LMO7: variants seen among roughly 807,000 people sequenced by gnomAD.
LMO7 encodes the protein LIM domain only protein 7.
Under a neutral mutation model 206.5 loss-of-function variants are expected in LMO7, and 120 were observed. The ratio of observed to expected loss-of-function variants is 0.58; its 90% confidence interval spans 0.50 to 0.68. LMO7 has a LOEUF of 0.68. LMO7 is among the 30% of genes least tolerant of loss of function. The pLI, the probability that LMO7 is intolerant of heterozygous loss-of-function variation, is 0.00. For synonymous variants in LMO7, 706 were observed against 681.5 expected, an observed-to-expected ratio of 1.04 and a Z score of -0.56; for missense variants, 1,959 against 1,957.9, an observed-to-expected ratio of 1.00 and a Z score of -0.01.
rs1566339945 is a variant in LMO7, at chr13:75,713,254, TAAGTATTTA to T, written c.140+14_140+22del. 3 of 1,600,626 alleles carry T rather than the reference TAAGTATTTA, an allele frequency of 1.9e-6. No individual in the cohort carries two copies. The Admixed American group carries it at 5.1e-5, about 27-fold the overall frequency. ...AGAAAATGGTGTTCTGCTGTGTGAGTAAGTATTTAAAGTATTTAAAAAATAATTCAAAAG... is the reference window on the plus strand; with the variant it reads ...AGAAAATGGTGTTCTGCTGTGTGAGTAAGTATTTAAAAAATAATTCAAAAG... On this transcript the variant is annotated splice_donor_5th_base_variant and intron_variant, in intron 2 of 30. Transcript: ENST00000377534.
rs185288051 is a variant in LMO7, at chr13:75,766,198, T to C, written c.317+5160T>C. 1.3e-3 allele frequency among the ~76,000 whole-genome samples: 191 copies of C among 151,974 alleles called. 1 individual carries two copies. The highest frequency in any genetic ancestry group is 4.4e-3 in the African/African-American group (184 of 41,468). Reference sequence around the variant, plus strand: ...GCCTATGTTGACTTAATCCAACTTTTAAAATTGCTAATACTGAAATACCTG... The same window carrying C: ...GCCTATGTTGACTTAATCCAACTTTCAAAATTGCTAATACTGAAATACCTG... On this transcript the variant is annotated intron_variant, in intron 4 of 30. Transcript: ENST00000377534.
intron 1 of LMO7, among the ~76,000 whole-genome samples, chr13:75,647,184 A>G (rs567622893): frequency 1.3e-5 from 2 of 152,178 alleles, no homozygotes; most frequent in Non-Finnish European, 2.9e-5. Flanking sequence ...GAATAGTGCC[A>G]AGTATTTACT....
intron 1 of LMO7, among the ~76,000 whole-genome samples, chr13:75,695,633 C>G (rs1248933412): frequency 3.3e-5 from 5 of 152,220 alleles, no homozygotes; most frequent in African/African-American, 1.2e-4. Flanking sequence ...GCGTGAGCTA[C>G]CACGCCTGGC....
chr13:75,637,346 A>G (rs1217207329), intron 1 of LMO7, among the ~76,000 whole-genome samples: 2 of 152,130 alleles, frequency 1.3e-5, no homozygotes, highest in Non-Finnish European at 2.9e-5. Flanking sequence ...TCCTAGGATC[A>G]TTCGCTGAAG....
chr13:75,821,689 C>A, intron 14 of LMO7, 80 bp downstream of exon 14: 2 of 904,094 alleles, frequency 2.2e-6, no homozygotes, highest in South Asian at 1.7e-5. Context: ...GGGGTTACAT[C>A]AACTTGATGT....
chr13:75,835,436 G>A (rs2059038584), intron 18 of LMO7, 97 bp downstream of exon 18: 13 of 687,230 alleles, frequency 1.9e-5, no homozygotes, highest in South Asian at 1.0e-4. Flanking sequence ...GTACAATTTT[G>A]ATGCTAACTT....
intron 4 of LMO7, among the ~76,000 whole-genome samples, chr13:75,761,622 A>G (rs2048233930): frequency 6.6e-6 from 1 of 152,088 alleles, no homozygotes; most frequent in South Asian, 2.1e-4. Flanking sequence ...CACGTATGCC[A>G]GTATCTGTTA....
chr13:75,851,720 T>C (rs1224750927), intron 27 of LMO7, among the ~76,000 whole-genome samples: 1 of 152,242 alleles, frequency 6.6e-6, no homozygotes, highest in African/African-American at 2.4e-5. Flanking sequence ...TTTGCAAAAG[T>C]TGTATTTAAA....
chr13:75,853,088 TCAGAGGCGAATC>T lies in LMO7; in HGVS notation c.4365-3_4373del. 6.3e-7 allele frequency: 1 copy of T among 1,587,906 alleles called. No individual in the cohort carries two copies. The highest frequency in any genetic ancestry group is 1.1e-5 in the South Asian group (1 of 88,334). On this transcript the variant is annotated splice_acceptor_variant and splice_polypyrimidine_tract_variant and coding_sequence_variant and intron_variant, in exon 28 of 31. Transcript: ENST00000377534. LOFTEE classifies it high-confidence loss of function. The stretch of plus-strand genomic sequence containing the variant: ...TATTTTGATGAGTCTTTTTTGTGTT[TCAGAGGCGAATC>T]TTTAGATAACCTGGACTCCCCCCGA...
At chr13:75,713,463 T>A (rs1032978876) in intron 2 of LMO7, among the ~76,000 whole-genome samples, 18 of 152,162 alleles carry the variant, frequency 1.2e-4, no homozygotes, top group African/African-American at 4.3e-4. Context: ...ATAGCACTGG[T>A]AAAATATATA....
intron 3 of LMO7, among the ~76,000 whole-genome samples, chr13:75,735,121 G>T (rs1449540674): frequency 7.0e-6 from 1 of 142,162 alleles, no homozygotes; most frequent in South Asian, 2.4e-4. Context: ...AATTACGTGT[G>T]TGTGTGTGTG....
intron 3 of LMO7, among the ~76,000 whole-genome samples, chr13:75,733,018 T>A (rs1180733772): frequency 6.6e-6 from 1 of 152,116 alleles, no homozygotes; most frequent in Non-Finnish European, 1.5e-5. Context: ...CCATGTGAGG[T>A]GTCAGTCTGC....
At chr13:75,762,457 G>A (rs767647877) in intron 4 of LMO7, among the ~76,000 whole-genome samples, 3 of 152,078 alleles carry the variant, frequency 2.0e-5, no homozygotes, top group Non-Finnish European at 4.4e-5. Flanking sequence ...AAGCGTTAAC[G>A]TGCTTCCCCC....
intron 4 of LMO7, among the ~76,000 whole-genome samples, chr13:75,763,322 G>A (rs752880716): frequency 1.3e-5 from 2 of 152,112 alleles, no homozygotes; most frequent in African/African-American, 2.4e-5. Flanking sequence ...CTGGAGTTGA[G>A]AAACTCTAGC....
chr13:75,626,121 G>A (rs994313371), intron 2 of LMO7, among the ~76,000 whole-genome samples: 7 of 152,128 alleles, frequency 4.6e-5, no homozygotes, highest in Non-Finnish European at 8.8e-5. Context: ...CTTATCTCCA[G>A]GCCAGTCAGT....
Position 75,675,065 on chromosome 13 carries a change from C to CTTTTTCTTTTAT in LMO7, c.70-38107_70-38106insATTTTTTCTTTT, listed in dbSNP as rs372433275. Among the ~76,000 whole-genome samples the CTTTTTCTTTTAT allele has an allele frequency of 1.4e-3, 208 of 147,576 alleles. 1 individual carries two copies. The highest frequency in any genetic ancestry group is 4.1e-3 in the African/African-American group (165 of 40,452). On this transcript the variant is annotated intron_variant, in intron 1 of 30. Transcript: ENST00000377534. ...AACAGAAGAATGTCACAATATATTTCTTTTTCTTTTCTTTTTTCTTTTTTT... is the reference window on the plus strand; with the variant it reads ...AACAGAAGAATGTCACAATATATTTCTTTTTCTTTTATTTTTTCTTTTCTTTTTTCTTTTTTT...
Position 75,720,354 on chromosome 13 carries a change from A to G in LMO7, c.141-6675A>G, listed in dbSNP as rs1165944887. Among the ~76,000 whole-genome samples, 4 of 152,154 alleles carry G rather than the reference A, an allele frequency of 2.6e-5. No homozygotes were observed. In the South Asian group the frequency reaches 6.2e-4, roughly 24 times the overall value. On this transcript the variant is annotated intron_variant, in intron 2 of 30. Coordinates refer to ENST00000377534, the MANE Select transcript of LMO7 (RefSeq NM_001306080.2). Reference sequence around the variant, plus strand: ...AATTTTAATGAAGTCCAGTGTGTCAATTATTTCTTTTACGAATTGTGCTTT... The same window carrying G: ...AATTTTAATGAAGTCCAGTGTGTCAGTTATTTCTTTTACGAATTGTGCTTT...
chr13:75,660,560 T>G (rs183790986), intron 1 of LMO7, among the ~76,000 whole-genome samples: 2 of 152,338 alleles, frequency 1.3e-5, no homozygotes, highest in Admixed American at 1.3e-4. Context: ...GTGCAGTGCT[T>G]CTTCTTCAGT....
In LMO7 at chr13:75,806,113, G is replaced by A. The variant is rs552851555; in HGVS notation, c.1196+353G>A. 3.0e-5 allele frequency: 31 copies of A among 1,037,942 alleles called. No individual in the cohort carries two copies. The African/African-American group carries it at 4.3e-4, about 14-fold the overall frequency. The allele number at this position is 1,037,942 out of a possible 1,614,324, so 64.3% of individuals were successfully genotyped here. ...CTCAGGTTCTGACAGAAGCGCCACC[G>A]TTTTTAGTAGAGCACAAAAAGCAGA... On this transcript the variant is annotated intron_variant, in intron 9 of 30. Coordinates refer to ENST00000377534, the MANE Select transcript of LMO7 (RefSeq NM_001306080.2).
Sources: allele counts gnomAD v4.1 joint callset (sites outside exome capture counted in the v4.1 genomes callset), GRCh38; gene constraint gnomAD v4.1.1; transcripts MANE v1.5; gene names NCBI Gene and HGNC (gene_info 2026-07-23, HGNC 2026-07-21).